CFDP1: variants seen among roughly 807,000 people sequenced by gnomAD.
CFDP1 encodes the protein heterochromatin-stabilizing protein CFDP1.
A neutral mutation model predicts 40.1 loss-of-function variants in CFDP1; 31 were observed. The observed-to-expected ratio is 0.77, with a 90% confidence interval of 0.58 to 1.04. CFDP1 has a LOEUF of 1.04. Ranked by LOEUF, CFDP1 falls within the 50% of genes least tolerant of loss-of-function variation. The pLI, the probability that CFDP1 is intolerant of heterozygous loss-of-function variation, is 0.00. For synonymous variants in CFDP1, 167 were observed against 120.0 expected (o/e 1.39, Z -2.56); for missense variants, 423 against 343.4 (o/e 1.23, Z -1.83).
chr16:75,389,990 C>T lies in CFDP1; in HGVS notation c.650+5100G>A, dbSNP rs1043949505. Among the ~76,000 whole-genome samples the T allele has an allele frequency of 2.0e-5, 3 of 152,208 alleles. No homozygotes were observed. The East Asian group carries it at 5.8e-4, about 29-fold the overall frequency. On this transcript the variant is annotated intron_variant, in intron 5 of 6. Coordinates refer to ENST00000283882, the MANE Select transcript of CFDP1 (RefSeq NM_006324.3). ...AGGTTCACAGTATCATAATTAAACA[C>T]GTACATTTTCACGTACAACTCTAAG...
intron 5 of CFDP1, among the ~76,000 whole-genome samples, chr16:75,341,001 T>TA (rs1346839023): frequency 6.6e-6 from 1 of 151,956 alleles, no homozygotes; most frequent in Admixed American, 6.6e-5. Context: ...GACTTGGAAG[T>TA]AAAAAAAATA....
At chr16:75,430,573 C>T (rs968794460) in intron 1 of CFDP1, among the ~76,000 whole-genome samples, 12 of 151,964 alleles carry the variant, frequency 7.9e-5, no homozygotes, top group African/African-American at 2.9e-4. Flanking sequence ...CAAGAGATCT[C>T]GTGCCTCAGC....
intron 5 of CFDP1, among the ~76,000 whole-genome samples, chr16:75,339,857 A>AC (rs1476246617): frequency 1.3e-5 from 2 of 152,182 alleles, no homozygotes; most frequent in Non-Finnish European, 2.9e-5. Context: ...AACCACTAAT[A>AC]CCAAGGATCT....
intron 5 of CFDP1, among the ~76,000 whole-genome samples, chr16:75,307,444 T>C (rs2151501676): frequency 6.6e-6 from 1 of 152,324 alleles, no homozygotes; most frequent in Non-Finnish European, 1.5e-5. Flanking sequence ...CTCAAACTCC[T>C]GACCTCGGGT....
chr16:75,381,993 G>C (rs1367773108), intron 5 of CFDP1, among the ~76,000 whole-genome samples: 1 of 152,090 alleles, frequency 6.6e-6, no homozygotes, highest in Non-Finnish European at 1.5e-5. Flanking sequence ...GTGCATGCCT[G>C]TAGTCCCAGC....
intron 5 of CFDP1, among the ~76,000 whole-genome samples, chr16:75,329,424 G>C (rs76377175): frequency 1.3e-5 from 2 of 152,070 alleles, no homozygotes; most frequent in Non-Finnish European, 1.5e-5. Flanking sequence ...TTATGCATCC[G>C]TGTGACTTTG....
At chr16:75,431,473 A>AAAAAAG (rs2079416139) in intron 1 of CFDP1, among the ~76,000 whole-genome samples, 1 of 146,178 alleles carries the variant, frequency 6.8e-6, no homozygotes, top group African/African-American at 2.6e-5. Context: ...AAAAAAAAAA[A>AAAAAAG]AAAAGAAAAG....
At chr16:75,397,079 A>G (rs2079000402) in intron 4 of CFDP1, among the ~76,000 whole-genome samples, 1 of 151,886 alleles carries the variant, frequency 6.6e-6, no homozygotes, top group South Asian at 2.1e-4. Flanking sequence ...ACGCCCAGCT[A>G]ATTTTTTTGT....
intron 5 of CFDP1, among the ~76,000 whole-genome samples, chr16:75,321,645 T>G (rs1462198400): frequency 6.6e-6 from 1 of 152,158 alleles, no homozygotes; most frequent in Non-Finnish European, 1.5e-5. Flanking sequence ...AGGAAGGGGC[T>G]TTATGGGCCC....
chr16:75,316,035 G>T (rs1307958805), intron 5 of CFDP1, among the ~76,000 whole-genome samples: 1 of 152,118 alleles, frequency 6.6e-6, no homozygotes, highest in Non-Finnish European at 1.5e-5. Context: ...AGTCCAGTCT[G>T]GTTGACCTAT....
At chr16:75,317,052 GC>G (rs2078328044) in intron 5 of CFDP1, among the ~76,000 whole-genome samples, 1 of 151,848 alleles carries the variant, frequency 6.6e-6, no homozygotes, top group Non-Finnish European at 1.5e-5. Context: ...TAGAGAAAAG[GC>G]AAAAGGCTAT....
At chr16:75,307,276 CG>C (rs1218270165) in intron 5 of CFDP1, among the ~76,000 whole-genome samples, 1 of 151,914 alleles carries the variant, frequency 6.6e-6, no homozygotes, top group Non-Finnish European at 1.5e-5. Flanking sequence ...AGTGCAGATG[CG>C]TGATCTCGGC....
At chr16:75,374,667 C>G (rs368087703) in intron 5 of CFDP1, among the ~76,000 whole-genome samples, 1 of 151,682 alleles carries the variant, frequency 6.6e-6, no homozygotes, top group South Asian at 2.1e-4. Context: ...AAAAAACACA[C>G]AGAAATAAAA....
At chr16:75,421,109 G>C (rs761693270) in intron 1 of CFDP1, among the ~76,000 whole-genome samples, 3 of 152,136 alleles carry the variant, frequency 2.0e-5, no homozygotes, top group Non-Finnish European at 4.4e-5. Context: ...ATGCGCACTG[G>C]GGTGGAGCCA....
intron 5 of CFDP1, among the ~76,000 whole-genome samples, chr16:75,340,226 T>C (rs2078517472): frequency 6.6e-6 from 1 of 152,190 alleles, no homozygotes; most frequent in African/African-American, 2.4e-5. Context: ...AACAGAGGTA[T>C]CGACAACAAC....
chr16:75,357,057 C>T lies in CFDP1; in HGVS notation c.650+38033G>A, dbSNP rs572654265. On this transcript the variant is annotated intron_variant, in intron 5 of 6. Transcript: ENST00000283882. ...GCCTCCCAAGTGCTGGGACTACAGTCGTGTGCCACCATGCCTGGCTAATTT... is the reference window on the plus strand; with the variant it reads ...GCCTCCCAAGTGCTGGGACTACAGTTGTGTGCCACCATGCCTGGCTAATTT... 1.3e-4 allele frequency among the ~76,000 whole-genome samples: 19 copies of T among 151,486 alleles called. No individual in the cohort carries two copies. The East Asian group carries it at 2.3e-3, about 19-fold the overall frequency.
At position 75,297,160 on chromosome 16, in the gene CFDP1, GTGTGTC is replaced by G. The variant is rs1408886082; in HGVS notation, c.810-3124_810-3119del. Among the ~76,000 whole-genome samples the G allele has an allele frequency of 2.4e-4, 32 of 134,166 alleles. 2 individuals are homozygous for G. The highest frequency in any genetic ancestry group is 1.6e-3 in the South Asian group (6 of 3,830). The allele number at this position is 134,166 out of a possible 152,430, so 88.0% of individuals were successfully genotyped here. ...CTTCCCATTTCTTGTGTGTGTGTGT[GTGTGTC>G]TGTGTGTGTGTGTGTGTGTGTGTGT... On this transcript the variant is annotated intron_variant, in intron 6 of 6. Transcript: ENST00000283882.
At chr16:75,381,289 C>A (rs2078849825) in intron 5 of CFDP1, 1 of 151,776 alleles carries the variant, frequency 6.6e-6, no homozygotes, top group Admixed American at 6.6e-5. Flanking sequence ...CAAAGTGAGA[C>A]CCTGTCTCAA....
intron 1 of CFDP1, among the ~76,000 whole-genome samples, chr16:75,415,144 T>C (rs2079192965): frequency 6.6e-6 from 1 of 152,204 alleles, no homozygotes; most frequent in Non-Finnish European, 1.5e-5. Context: ...ACACTTTGTC[T>C]TCTCAATAAA....
Sources: allele counts gnomAD v4.1 joint callset (sites outside exome capture counted in the v4.1 genomes callset), GRCh38; gene constraint gnomAD v4.1.1; transcripts MANE v1.5; gene names NCBI Gene and HGNC (gene_info 2026-07-23, HGNC 2026-07-21).